The following B3GALT1 variants were observed in gnomAD, a reference collection of about 807,000 sequenced individuals.
B3GALT1 encodes the protein beta-1,3-galactosyltransferase 1.
Under a neutral mutation model 23.2 loss-of-function variants are expected in B3GALT1, and 10 were observed. The ratio of observed to expected loss-of-function variants is 0.43; its 90% CI spans 0.27 to 0.73. B3GALT1 has a LOEUF of 0.73. B3GALT1 is among the 30% of genes least tolerant of loss of function. B3GALT1 has a pLI of 0.21. For missense variants in B3GALT1, 299 were observed against 405.4 expected (o/e 0.74, Z 2.25); for synonymous variants, 156 against 141.5 (o/e 1.10, Z -0.73).
chr2:167,326,280 ATTGT>A (rs35911512), intron 1 of B3GALT1, among the ~76,000 whole-genome samples: 119,615 of 149,854 alleles, frequency 0.8, 49,301 homozygotes, highest in Non-Finnish European at 0.9. Flanking sequence ...TCTTAATTGG[ATTGT>A]TTGTTTTTTC....
At chr2:167,308,153 G>T (rs914467321) in intron 1 of B3GALT1, among the ~76,000 whole-genome samples, 1 of 151,940 alleles carries the variant, frequency 6.6e-6, no homozygotes, top group African/African-American at 2.4e-5. Context: ...TTAGGCAGTA[G>T]ATGTTACTAT....
intron 4 of B3GALT1, among the ~76,000 whole-genome samples, chr2:167,829,742 C>T (rs748788592): frequency 6.6e-6 from 1 of 152,150 alleles, no homozygotes; most frequent in African/African-American, 2.4e-5. Context: ...AAGATGTGAG[C>T]TGTGACTTCC....
intron 2 of B3GALT1, among the ~76,000 whole-genome samples, chr2:167,584,979 C>G (rs1020132929): frequency 1.3e-5 from 2 of 152,128 alleles, no homozygotes; most frequent in Admixed American, 6.5e-5. Context: ...TTTTGCCCCC[C>G]GTCTCATCCC....
chr2:167,633,555 C>T (rs1685494927), intron 2 of B3GALT1, among the ~76,000 whole-genome samples: 1 of 151,346 alleles, frequency 6.6e-6, no homozygotes, highest in Non-Finnish European at 1.5e-5. Context: ...ATAAAACACA[C>T]TTTAAACCAA....
intron 1 of B3GALT1, among the ~76,000 whole-genome samples, chr2:167,481,827 G>T (rs1187425991): frequency 6.6e-6 from 1 of 152,270 alleles, no homozygotes; most frequent in East Asian, 1.9e-4. Context: ...TCCACCACTG[G>T]AGAGAGCACT....
At chr2:167,472,278 A>G (rs1699427850) in intron 1 of B3GALT1, among the ~76,000 whole-genome samples, 1 of 152,148 alleles carries the variant, frequency 6.6e-6, no homozygotes, top group South Asian at 2.1e-4. Flanking sequence ...GTCCTGCTGT[A>G]TCAATATGTG....
intron 2 of B3GALT1, among the ~76,000 whole-genome samples, chr2:167,505,237 A>C (rs1699902027): frequency 1.3e-5 from 2 of 152,194 alleles, no homozygotes; most frequent in African/African-American, 4.8e-5. Context: ...TTTTTCACTT[A>C]ATCCACTTTG....
At chr2:167,655,234 T>C (rs992097098) in intron 3 of B3GALT1, among the ~76,000 whole-genome samples, 7 of 152,204 alleles carry the variant, frequency 4.6e-5, no homozygotes, top group Admixed American at 1.3e-4. Flanking sequence ...ACTGCCTATC[T>C]CTGTAATCTA....
chr2:167,681,507 C>G (rs1443204629), intron 3 of B3GALT1, among the ~76,000 whole-genome samples: 2 of 152,100 alleles, frequency 1.3e-5, no homozygotes, highest in African/African-American at 2.4e-5. Context: ...ATACAGTGTC[C>G]TAAATAACTG....
intron 1 of B3GALT1, among the ~76,000 whole-genome samples, chr2:167,335,323 G>A (rs576007458): frequency 6.6e-6 from 1 of 152,150 alleles, no homozygotes; most frequent in Non-Finnish European, 1.5e-5. Flanking sequence ...CTAGGTTACA[G>A]TTCATCCACA....
At chr2:167,803,928 A>G (rs1302865288) in intron 3 of B3GALT1, among the ~76,000 whole-genome samples, 7 of 152,156 alleles carry the variant, frequency 4.6e-5, no homozygotes, top group Admixed American at 4.6e-4. Flanking sequence ...TTTTGTATTT[A>G]TGACGACTTT....
intron 3 of B3GALT1, among the ~76,000 whole-genome samples, chr2:167,653,527 A>G (rs114192568): frequency 0.011 from 1,646 of 152,246 alleles, 33 homozygotes; most frequent in African/African-American, 0.038. Flanking sequence ...AAGAGCAGCA[A>G]TATCTCTCTG....
chr2:167,607,146 T>A (rs1227020807), intron 2 of B3GALT1, among the ~76,000 whole-genome samples: 1 of 152,168 alleles, frequency 6.6e-6, no homozygotes, highest in East Asian at 1.9e-4. Context: ...TGAAGATGAT[T>A]ATTTTTCTTC....
chr2:167,382,675 A>T (rs1559080864), intron 1 of B3GALT1, among the ~76,000 whole-genome samples: 1 of 152,208 alleles, frequency 6.6e-6, no homozygotes, highest in Admixed American at 6.5e-5. Flanking sequence ...TGAATACGGC[A>T]TATAGAAACC....
chr2:167,579,449 C>CTTTTTTTTTA, intron 2 of B3GALT1, among the ~76,000 whole-genome samples: 1 of 50,572 alleles, frequency 2.0e-5, no homozygotes, highest in African/African-American at 1.8e-4. Flanking sequence ...TTTTTTTTTC[C>CTTTTTTTTTA]ATTTAAATTC....
intron 3 of B3GALT1, among the ~76,000 whole-genome samples, chr2:167,717,088 C>T (rs1687156271): frequency 6.6e-6 from 1 of 152,098 alleles, no homozygotes; most frequent in Non-Finnish European, 1.5e-5. Flanking sequence ...ATAAAGTGAG[C>T]ATTTTAGAGC....
intron 2 of B3GALT1, among the ~76,000 whole-genome samples, chr2:167,593,165 T>A (rs1684713980): frequency 6.6e-6 from 1 of 152,214 alleles, no homozygotes; most frequent in Non-Finnish European, 1.5e-5. Flanking sequence ...AAGAATATTA[T>A]TTTTAGCATT....
At chr2:167,671,922 ATAAAT>A (rs1686333509) in intron 3 of B3GALT1, among the ~76,000 whole-genome samples, 1 of 152,120 alleles carries the variant, frequency 6.6e-6, no homozygotes, top group African/African-American at 2.4e-5. Flanking sequence ...AAATAAAACC[ATAAAT>A]TAAAGAAGAG....
chr2:167,512,568 GTATATATATATGTATA>G (rs1393681852), intron 2 of B3GALT1, among the ~76,000 whole-genome samples: 4 of 38,734 alleles, frequency 1.0e-4, no homozygotes, highest in Non-Finnish European at 1.8e-4. Context: ...ATATATATAT[GTATATATATATGTATA>G]TATATATGTG....
Sources: allele counts gnomAD v4.1 joint callset (sites outside exome capture counted in the v4.1 genomes callset), GRCh38; gene constraint gnomAD v4.1.1; transcripts MANE v1.5; gene names NCBI Gene and HGNC (gene_info 2026-07-23, HGNC 2026-07-21).